The following DHX32 variants were observed in gnomAD, a reference collection of about 807,000 sequenced individuals.
The protein encoded by DHX32 is putative pre-mRNA-splicing factor ATP-dependent RNA helicase DHX32.
Under a neutral mutation model 70.0 loss-of-function variants are expected in DHX32, and 51 were observed. The observed-to-expected ratio is 0.73, with a 90% confidence interval of 0.58 to 0.92. DHX32 has a LOEUF of 0.92. Among genes scored for constraint, DHX32 ranks in the 40% least tolerant of loss-of-function variants. The pLI is 0.00. For synonymous variants in DHX32, 310 were observed against 315.3 expected, an observed-to-expected ratio of 0.98 and a Z score of 0.18; for missense variants, 762 against 891.8, an observed-to-expected ratio of 0.85 and a Z score of 1.85.
intron 1 of DHX32, among the ~76,000 whole-genome samples, chr10:125,892,127 G>GAAAAAATTTCTAAATTTCTAA (rs1449471046): frequency 1.3e-5 from 2 of 151,348 alleles, no homozygotes; most frequent in Non-Finnish European, 2.9e-5. Context: ...TTCTTCTTTA[G>GAAAAAATTTCTAAATTTCTAA]AGTTCAATGA....
upstream of DHX32, chr10:125,881,303 G>A (rs371868809): frequency 1.3e-5 from 2 of 153,758 alleles, no homozygotes; most frequent in African/African-American, 4.8e-5. Flanking sequence ...ACTGGGCCTC[G>A]TGCTCTCTGC....
intron 1 of DHX32, among the ~76,000 whole-genome samples, chr10:125,890,183 GTA>G (rs1944362164): frequency 6.6e-6 from 1 of 152,310 alleles, no homozygotes; most frequent in African/African-American, 2.4e-5. Flanking sequence ...GAAAAACATG[GTA>G]TAGATAGATT....
chr10:125,890,687 A>G (rs573954113), intron 1 of DHX32: 146 of 152,416 alleles, frequency 9.6e-4, no homozygotes, highest in African/African-American at 3.3e-3. Context: ...ATGAATATAC[A>G]GTATTGAATA....
At chr10:125,860,619 G>A (rs1410318270) in intron 2 of DHX32, among the ~76,000 whole-genome samples, 2 of 151,994 alleles carry the variant, frequency 1.3e-5, no homozygotes, top group African/African-American at 4.8e-5. Context: ...GATTTTAATG[G>A]GCTTTTCCCA....
chr10:125,884,711 TA>T (rs1944333596), upstream of DHX32, among the ~76,000 whole-genome samples: 1 of 152,206 alleles, frequency 6.6e-6, no homozygotes, highest in Non-Finnish European at 1.5e-5. Flanking sequence ...ACAAAGTTTG[TA>T]AGGCATTAAG....
At chr10:125,893,863 C>T (rs79851217) in intron 1 of DHX32, among the ~76,000 whole-genome samples, 1 of 152,150 alleles carries the variant, frequency 6.6e-6, no homozygotes, top group East Asian at 1.9e-4. Flanking sequence ...TCATTTGCTA[C>T]ATTTTTTATC....
At chr10:125,850,354 C>CTT (rs765077777) in intron 6 of DHX32, among the ~76,000 whole-genome samples, 73 of 124,544 alleles carry the variant, frequency 5.9e-4, no homozygotes, top group African/African-American at 1.5e-3. Flanking sequence ...TTCTTTCTTT[C>CTT]TTTTTTTTTT....
chr10:125,880,810 C>T lies in DHX32; in HGVS notation c.15G>A (p.Gly5=), dbSNP rs1200812652. The change falls in exon 1 of 11, where the codon GGG becomes GGA. Residue 5 remains glycine (G), a synonymous_variant. Coordinates refer to ENST00000284690, the MANE Select transcript of DHX32 (RefSeq NM_018180.3). ...CAGAGGAAGAGTTTGGACACTCCAG[C>T]CCTTCTTCTTCCATCTTGTCTGACA... The part of the protein sequence containing the change: MEEE[G]LECPNSSSEK... 2.5e-6 allele frequency: 4 copies of T among 1,611,276 alleles called. No homozygotes were observed. Among genetic ancestry groups the T allele is most frequent in the East Asian group, 4.5e-5 (2 of 44,862 alleles).
intron 3 of DHX32, among the ~76,000 whole-genome samples, chr10:125,857,845 A>G (rs1944158137): frequency 6.7e-6 from 1 of 149,220 alleles, no homozygotes; most frequent in African/African-American, 2.5e-5. Flanking sequence ...ATCAGTCTTA[A>G]TTGCATTTTT....
chr10:125,877,116 A>G (rs1019341257), intron 1 of DHX32, among the ~76,000 whole-genome samples: 2 of 152,226 alleles, frequency 1.3e-5, no homozygotes, highest in African/African-American at 2.4e-5. Context: ...TGAACAACAT[A>G]TGGAAAATCT....
At chr10:125,857,839 G>A (rs957806713) in intron 3 of DHX32, among the ~76,000 whole-genome samples, 1 of 148,658 alleles carries the variant, frequency 6.7e-6, no homozygotes, top group African/African-American at 2.5e-5. Context: ...CATCCTATCA[G>A]TCTTAATTGC....
upstream of DHX32, among the ~76,000 whole-genome samples, chr10:125,884,379 A>G (rs1210824885): frequency 6.6e-6 from 1 of 152,244 alleles, no homozygotes; most frequent in Non-Finnish European, 1.5e-5. Context: ...ATGTCATTCA[A>G]AATAAAGTTT....
intron 6 of DHX32, among the ~76,000 whole-genome samples, chr10:125,843,822 G>T (rs950207156): frequency 6.6e-6 from 1 of 152,200 alleles, no homozygotes; most frequent in Non-Finnish European, 1.5e-5. Flanking sequence ...ACAGGCAAAA[G>T]ATCTGCTACT....
At chr10:125,886,909 G>A (rs1208647449) in intron 1 of DHX32, among the ~76,000 whole-genome samples, 1 of 152,306 alleles carries the variant, frequency 6.6e-6, no homozygotes, top group Non-Finnish European at 1.5e-5. Context: ...GGGGACTCTT[G>A]AACCGTTTGT....
At chr10:125,890,069 A>G (rs2134082265) in intron 1 of DHX32, among the ~76,000 whole-genome samples, 1 of 152,430 alleles carries the variant, frequency 6.6e-6, no homozygotes, top group Non-Finnish European at 1.5e-5. Flanking sequence ...CTTCCAGACT[A>G]CATTTTTAAA....
upstream of DHX32, among the ~76,000 whole-genome samples, chr10:125,881,936 C>T (rs1469598190): frequency 3.9e-5 from 6 of 152,244 alleles, no homozygotes; most frequent in Non-Finnish European, 7.3e-5. Context: ...AGCCACCATG[C>T]CCAGCTGGCT....
Position 125,859,659 on chromosome 10 carries a change from C to G in DHX32, c.793G>C (p.Glu265Gln). 2 of 1,609,710 alleles carry G rather than the reference C, an allele frequency of 1.2e-6. No individual in the cohort carries two copies. The highest frequency in any genetic ancestry group is 1.7e-6 in the Non-Finnish European group (2 of 1,178,712). ...SFESILRLIF[E>Q]IHHSGEKGDI... ...CCTTTCTCACCCGAGTGGTGAATTT[C>G]AAAGATAAGGCGTAAAATAGACTCA... The change falls in exon 3 of 11, where the codon GAA (glutamate) becomes CAA (glutamine). Residue 265 changes from glutamate to glutamine, a missense_variant. By Grantham distance (29) the Glu-to-Gln change is conservative. Transcript: ENST00000284690.
intron 6 of DHX32, among the ~76,000 whole-genome samples, chr10:125,850,606 C>T (rs185940000): frequency 4.6e-5 from 7 of 152,254 alleles, no homozygotes; most frequent in African/African-American, 9.6e-5. Flanking sequence ...CCACCCACCT[C>T]GGCCTCCCAA....
At chr10:125,891,332 C>T (rs1226545708) in intron 1 of DHX32, among the ~76,000 whole-genome samples, 2 of 151,192 alleles carry the variant, frequency 1.3e-5, no homozygotes, top group Non-Finnish European at 2.9e-5. Context: ...ACAAAATGAA[C>T]TTTTATCCAT....
Sources: gnomAD v4.1 joint callset for allele counts (sites outside exome capture counted in the v4.1 genomes callset) on GRCh38, gnomAD v4.1.1 for gene constraint, MANE v1.5 for transcripts, NCBI Gene and HGNC (gene_info 2026-07-23, HGNC 2026-07-21) for gene names.